The following UBR3 variants were observed in gnomAD, a reference collection of about 807,000 sequenced individuals.
The protein encoded by UBR3 is E3 ubiquitin-protein ligase UBR3.
In UBR3, 85 loss-of-function variants were observed where a neutral mutation model predicts 243.2. The observed-to-expected ratio is 0.35, with a 90% CI of 0.29 to 0.42. The LOEUF (loss-of-function observed/expected upper bound fraction) is 0.42. Ranked by LOEUF, UBR3 falls within the 10% of genes least tolerant of loss-of-function variation. The pLI is 1.00. For synonymous variants in UBR3, 748 were observed against 799.8 expected, an observed-to-expected ratio of 0.94 and a Z score of 1.09; for missense variants, 1,686 against 2,300.8, an observed-to-expected ratio of 0.73 and a Z score of 5.47.
intron 23 of UBR3, among the ~76,000 whole-genome samples, chr2:169,952,988 T>G (rs1378148338): frequency 2.0e-5 from 3 of 152,270 alleles, no homozygotes; most frequent in Admixed American, 1.3e-4. Flanking sequence ...TTCTTTCTGT[T>G]ATATAATAGT....
At chr2:169,876,107 G>A (rs577824769) in intron 3 of UBR3, among the ~76,000 whole-genome samples, 158 bp downstream of exon 3, 3 of 144,088 alleles carry the variant, frequency 2.1e-5, no homozygotes, top group South Asian at 2.2e-4. Flanking sequence ...TTTTTGAGAC[G>A]GAGTCTAGCT....
chr2:170,008,746 G>T, intron 28 of UBR3, 58 bp from the exon 29 acceptor site: 2 of 866,774 alleles, frequency 2.3e-6, no homozygotes, highest in South Asian at 4.5e-5. Context: ...TCTAGTTTCA[G>T]ACCATTATTA....
In UBR3 at chr2:170,038,597, A is replaced by G. The variant is rs1314924977; in HGVS notation, c.4557-2285A>G. Among the ~76,000 whole-genome samples the G allele has an allele frequency of 1.4e-4, 21 of 152,174 alleles. 1 individual carries two copies. The highest frequency in any genetic ancestry group is 1.3e-3 in the Admixed American group (20 of 15,262). On this transcript the variant is annotated intron_variant, in intron 31 of 38. Transcript: ENST00000272793. Reference sequence around the variant, plus strand: ...TAGGGATGGCAAAGAGGAAGTAGAGATAGAGTCATTAGGACTTAGTGCCAA... The same window carrying G: ...TAGGGATGGCAAAGAGGAAGTAGAGGTAGAGTCATTAGGACTTAGTGCCAA...
At position 170,061,106 on chromosome 2, in the gene UBR3, G is replaced by T; in HGVS notation, c.4813G>T (p.Glu1605Ter). Residue 1605 changes from glutamate (E) to a stop codon, truncating the protein, a stop_gained, in exon 34 of 39, where the codon GAA becomes TAA. Transcript: ENST00000272793. LOFTEE classifies it high-confidence loss of function. Reference sequence around the variant, plus strand: ...TACATGTGATGCAGAAAAGTCTTACGAAGTATTACTGAGCTTTGTGATAAG... The same window carrying T: ...TACATGTGATGCAGAAAAGTCTTACTAAGTATTACTGAGCTTTGTGATAAG... ...KSTCDAEKSY[E>*]VLLSFVISEL... is the part of the protein sequence containing the mutation. The T allele has an allele frequency of 6.3e-7, 1 of 1,582,154 alleles. No homozygotes were observed. Among genetic ancestry groups the T allele is most frequent in the South Asian group, 1.2e-5 (1 of 83,330 alleles).
At chr2:169,988,521 T>C (rs2089131259) in intron 25 of UBR3, among the ~76,000 whole-genome samples, 1 of 152,204 alleles carries the variant, frequency 6.6e-6, no homozygotes, top group South Asian at 2.1e-4. Flanking sequence ...GAAACTAATA[T>C]TGCCAGGACA....
intron 25 of UBR3, among the ~76,000 whole-genome samples, chr2:169,988,256 A>G (rs1396249630): frequency 6.6e-6 from 1 of 152,194 alleles, no homozygotes; most frequent in Non-Finnish European, 1.5e-5. Context: ...AATTTATTTC[A>G]TAGATATTTA....
intron 29 of UBR3, 55 bp from the exon 30 acceptor site, chr2:170,015,226 C>A: frequency 7.0e-7 from 1 of 1,421,556 alleles, no homozygotes; most frequent in Admixed American, 2.0e-5. Context: ...GTCAATAAAG[C>A]AGATTAATAA....
At chr2:169,963,802 TC>T (rs759968679) in intron 24 of UBR3, among the ~76,000 whole-genome samples, 1 of 152,202 alleles carries the variant, frequency 6.6e-6, no homozygotes, top group Non-Finnish European at 1.5e-5. Flanking sequence ...GCTATTTTTT[TC>T]TTATGAAAAA....
At chr2:169,865,586 T>C (rs937116856) in intron 1 of UBR3, among the ~76,000 whole-genome samples, 1 of 152,204 alleles carries the variant, frequency 6.6e-6, no homozygotes, top group Non-Finnish European at 1.5e-5. Context: ...ACCCAGTTGC[T>C]CTTTGGAATT....
chr2:169,830,268 T>G (rs2081891463), intron 1 of UBR3, among the ~76,000 whole-genome samples: 1 of 152,166 alleles, frequency 6.6e-6, no homozygotes, highest in Admixed American at 6.6e-5. Context: ...GTGGGATAAA[T>G]TCTCAAAAGT....
intron 3 of UBR3, among the ~76,000 whole-genome samples, chr2:169,876,656 C>G (rs1281266966): frequency 2.6e-5 from 4 of 151,878 alleles, no homozygotes; most frequent in African/African-American, 9.7e-5. Flanking sequence ...CTCCTGGGTT[C>G]AAGCGATTCT....
chr2:169,835,948 T>C, intron 1 of UBR3, among the ~76,000 whole-genome samples: 1 of 142,546 alleles, frequency 7.0e-6, no homozygotes, highest in African/African-American at 2.6e-5. Flanking sequence ...CTTTCTCTTT[T>C]CCTCTCCAGA....
At chr2:170,029,920 G>T (rs1429560109) in intron 31 of UBR3, among the ~76,000 whole-genome samples, 1 of 152,048 alleles carries the variant, frequency 6.6e-6, no homozygotes, top group Non-Finnish European at 1.5e-5. Context: ...TTTTTATAAA[G>T]AACTTTACCA....
At chr2:169,849,660 T>C (rs2082594513) in intron 1 of UBR3, among the ~76,000 whole-genome samples, 1 of 152,214 alleles carries the variant, frequency 6.6e-6, no homozygotes, top group Non-Finnish European at 1.5e-5. Flanking sequence ...TTAAGTCAGA[T>C]AGAATTTGGA....
rs11696056 is a variant in UBR3 at position 170,051,505 on chromosome 2, C to T, written c.4661-3955C>T. 3.7e-3 allele frequency among the ~76,000 whole-genome samples: 569 copies of T among 151,964 alleles called. 3 individuals are homozygous for T. Among genetic ancestry groups the T allele is most frequent in the African/African-American group, 0.013 (533 of 41,420 alleles). ...GCTTACAGGCACCCGCCACCACGCC[C>T]GACTAATTTTTTGTATTTTTAGTTG... On this transcript the variant is annotated intron_variant, in intron 32 of 38. Coordinates refer to ENST00000272793, the MANE Select transcript of UBR3 (RefSeq NM_172070.4).
At chr2:170,070,125 A>G (rs1034484154) in intron 35 of UBR3, among the ~76,000 whole-genome samples, 3 of 152,130 alleles carry the variant, frequency 2.0e-5, no homozygotes, top group Admixed American at 6.5e-5. Context: ...TATCTTTGCT[A>G]TTGTAACTAA....
At chr2:169,851,695 C>T (rs532401537) in intron 1 of UBR3, among the ~76,000 whole-genome samples, 2 of 152,064 alleles carry the variant, frequency 1.3e-5, no homozygotes, top group Admixed American at 1.3e-4. Flanking sequence ...GAAACCCTGT[C>T]TCTACTAAAA....
At chr2:170,071,640 CTTTG>C (rs1482760297) in intron 35 of UBR3, among the ~76,000 whole-genome samples, 20 of 152,048 alleles carry the variant, frequency 1.3e-4, no homozygotes, top group Non-Finnish European at 1.9e-4. Context: ...AAAATGCCTT[CTTTG>C]TTAAACTATA....
chr2:169,968,126 T>C (rs1327357041), intron 24 of UBR3, among the ~76,000 whole-genome samples: 1 of 152,192 alleles, frequency 6.6e-6, no homozygotes, highest in Non-Finnish European at 1.5e-5. Context: ...ATGTGATATT[T>C]TGATACATGA....
Sources: allele counts gnomAD v4.1 joint callset (sites outside exome capture counted in the v4.1 genomes callset), GRCh38; gene constraint gnomAD v4.1.1; transcripts MANE v1.5; gene names NCBI Gene and HGNC (gene_info 2026-07-23, HGNC 2026-07-21).